TOX2: variants seen among roughly 807,000 people sequenced by gnomAD.
The protein encoded by TOX2 is TOX high mobility group box family member 2.
In TOX2, 15 loss-of-function variants were observed where a neutral mutation model predicts 47.4. The observed-to-expected ratio is 0.32, with a 90% CI of 0.21 to 0.49. The LOEUF (loss-of-function observed/expected upper bound fraction) is 0.49. TOX2 is among the 20% of genes least tolerant of loss of function. The pLI is 0.99. For synonymous variants in TOX2, 290 were observed against 296.6 expected, an observed-to-expected ratio of 0.98 and a Z score of 0.23; for missense variants, 622 against 673.1, an observed-to-expected ratio of 0.92 and a Z score of 0.84.
intron 3 of TOX2, among the ~76,000 whole-genome samples, chr20:44,016,351 T>C (rs2070878024): frequency 6.6e-6 from 1 of 152,176 alleles, no homozygotes; most frequent in East Asian, 1.9e-4. Flanking sequence ...CTCGAACTCC[T>C]GAGCTCATGC....
At chr20:43,987,912 C>CTTTTTTTT (rs762084312) in intron 2 of TOX2, among the ~76,000 whole-genome samples, 2 of 69,980 alleles carry the variant, frequency 2.9e-5, no homozygotes, top group African/African-American at 6.1e-5. Flanking sequence ...ATATCAACAT[C>CTTTTTTTT]TTTTTTTTTT....
At chr20:43,960,520 A>G (rs1444568675) in intron 1 of TOX2, among the ~76,000 whole-genome samples, 2 of 152,142 alleles carry the variant, frequency 1.3e-5, no homozygotes, top group African/African-American at 4.8e-5. Flanking sequence ...CTCCGTTGTG[A>G]CTACATCACA....
intron 3 of TOX2, among the ~76,000 whole-genome samples, chr20:44,013,067 C>T (rs2070806598): frequency 6.6e-6 from 1 of 152,178 alleles, no homozygotes; most frequent in African/African-American, 2.4e-5. Context: ...GGTTCCTGTG[C>T]CCGGAGCCTG....
intron 3 of TOX2, among the ~76,000 whole-genome samples, chr20:44,044,560 A>C (rs1157728292): frequency 2.0e-5 from 3 of 152,120 alleles, no homozygotes; most frequent in African/African-American, 7.2e-5. Context: ...TATGGACAAG[A>C]ATGGGTTTCA....
chr20:44,035,027 G>A (rs928137023), intron 3 of TOX2, among the ~76,000 whole-genome samples: 5 of 152,122 alleles, frequency 3.3e-5, no homozygotes, highest in Non-Finnish European at 5.9e-5. Context: ...CTCATCCCAC[G>A]CATTCCACTC....
chr20:44,018,777 C>T (rs142845340), intron 3 of TOX2, among the ~76,000 whole-genome samples: 76 of 152,242 alleles, frequency 5.0e-4, no homozygotes, highest in African/African-American at 1.4e-3. Context: ...AGGCTGGGAG[C>T]GTTTCCAGGA....
chr20:43,966,002 T>C (rs1217242222), intron 1 of TOX2, among the ~76,000 whole-genome samples: 1 of 152,194 alleles, frequency 6.6e-6, no homozygotes, highest in East Asian at 1.9e-4. Context: ...GGAGTTGATA[T>C]ATCATAACAA....
At chr20:44,059,817 A>G (rs182379996) in intron 5 of TOX2, among the ~76,000 whole-genome samples, 1 of 152,298 alleles carries the variant, frequency 6.6e-6, no homozygotes, top group African/African-American at 2.4e-5. Flanking sequence ...CATAAATCTC[A>G]CAGGACCTCT....
intron 1 of TOX2, among the ~76,000 whole-genome samples, chr20:43,944,514 CT>C (rs11086909): frequency 0.14 from 21,505 of 152,082 alleles, 3,826 homozygotes; most frequent in African/African-American, 0.41. Context: ...GGAAGCAAGA[CT>C]TTTTTCCTTT....
At chr20:43,919,740 T>C (rs1468147319) in intron 1 of TOX2, among the ~76,000 whole-genome samples, 1 of 152,356 alleles carries the variant, frequency 6.6e-6, no homozygotes, top group East Asian at 1.9e-4. Flanking sequence ...GTTCTCATTG[T>C]TCAGCTCCCA....
At chr20:43,962,313 T>A (rs2069776005) in intron 1 of TOX2, among the ~76,000 whole-genome samples, 1 of 152,206 alleles carries the variant, frequency 6.6e-6, no homozygotes, top group African/African-American at 2.4e-5. Context: ...GGGATGGGAC[T>A]CACTGGTGGT....
chr20:43,947,943 G>A (rs2069499729), intron 1 of TOX2, among the ~76,000 whole-genome samples: 1 of 152,176 alleles, frequency 6.6e-6, no homozygotes, highest in South Asian at 2.1e-4. Context: ...CCTGCCTGGA[G>A]AACAGAAGCT....
intron 3 of TOX2, among the ~76,000 whole-genome samples, chr20:44,022,097 C>T (rs1028271581): frequency 7.2e-5 from 11 of 152,190 alleles, no homozygotes; most frequent in Admixed American, 2.6e-4. Context: ...AATGGCCGGC[C>T]GATGACGCTG....
chr20:44,066,193 T>C, intron 7 of TOX2, 86 bp downstream of exon 7: 1 of 1,379,786 alleles, frequency 7.2e-7, no homozygotes, highest in Non-Finnish European at 9.6e-7. Context: ...GCCCTGCCAC[T>C]CACCAGTGAT....
intron 3 of TOX2, among the ~76,000 whole-genome samples, chr20:44,048,022 C>A (rs1008343237): frequency 9.9e-5 from 15 of 151,822 alleles, no homozygotes; most frequent in Admixed American, 9.2e-4. Flanking sequence ...AGTTTGAGAC[C>A]AGCTTGGCCA....
intron 2 of TOX2, among the ~76,000 whole-genome samples, chr20:43,975,807 A>G (rs1278094733): frequency 6.6e-6 from 1 of 152,064 alleles, no homozygotes. Flanking sequence ...TGGGGAAAGG[A>G]TCTGGTCTCT....
At position 43,982,665 on chromosome 20, in the gene TOX2, A is replaced by AG. The variant is rs529576490; in HGVS notation, c.165+9233_165+9234insG. ...TGAGGAGCCCACTGCCCAGCACAGC[A>AG]TGGTGGCTGAGCTGAAGGGCCCTGG... is the stretch of plus-strand genomic sequence containing the variant. On this transcript the variant is annotated intron_variant, in intron 2 of 8. Transcript: ENST00000341197. Among the ~76,000 whole-genome samples the AG allele has an allele frequency of 5.1e-3, 772 of 151,942 alleles. 8 individuals carry two copies. The highest frequency in any genetic ancestry group is 0.017 in the African/African-American group (716 of 41,438).
At chr20:43,960,788 G>A (rs551086656) in intron 1 of TOX2, among the ~76,000 whole-genome samples, 36 of 152,282 alleles carry the variant, frequency 2.4e-4, no homozygotes, top group South Asian at 1.2e-3. Context: ...TGCACCTTTC[G>A]GGCACTGTCA....
intron 3 of TOX2, among the ~76,000 whole-genome samples, chr20:44,031,856 CT>C (rs1482319060): frequency 1.3e-5 from 2 of 152,268 alleles, no homozygotes; most frequent in East Asian, 3.9e-4. Context: ...ACTGAACCCC[CT>C]GCTAGGTGTC....
Sources: allele counts gnomAD v4.1 joint callset (sites outside exome capture counted in the v4.1 genomes callset), GRCh38; gene constraint gnomAD v4.1.1; transcripts MANE v1.5; gene names NCBI Gene and HGNC (gene_info 2026-07-23, HGNC 2026-07-21).